STK10: variants seen among roughly 807,000 people sequenced by gnomAD.
STK10 encodes serine/threonine-protein kinase 10.
STK10 carries 78 observed loss-of-function variants against 113.8 expected under a neutral mutation model. The ratio of observed to expected loss-of-function variants is 0.69; its 90% CI spans 0.57 to 0.83. The LOEUF is 0.83. Ranked by LOEUF, STK10 falls within the 40% of genes least tolerant of loss-of-function variation. The pLI, the probability that STK10 is intolerant of heterozygous loss-of-function variation, is 0.00. For synonymous variants in STK10, 465 were observed against 494.7 expected (o/e 0.94, Z 0.80); for missense variants, 1,109 against 1,280.1 (o/e 0.87, Z 2.04).
chr5:172,119,287 G>T (rs1769452729), intron 3 of STK10, among the ~76,000 whole-genome samples: 1 of 152,196 alleles, frequency 6.6e-6, no homozygotes, highest in Non-Finnish European at 1.5e-5. Context: ...GTGACTCGAG[G>T]TCAGAGGTCA....
intron 2 of STK10, among the ~76,000 whole-genome samples, chr5:172,132,343 T>A (rs1024607900): frequency 3.9e-5 from 6 of 152,134 alleles, no homozygotes; most frequent in African/African-American, 7.2e-5. Flanking sequence ...TTAATTTTTT[T>A]AATTTTTTTA....
At chr5:172,155,927 G>A (rs1252908112) in intron 2 of STK10, among the ~76,000 whole-genome samples, 4 of 152,194 alleles carry the variant, frequency 2.6e-5, no homozygotes, top group East Asian at 1.9e-4. Context: ...GCCGGGAGGC[G>A]GAGGGTGTAG....
chr5:172,071,276 T>C (rs374043738), intron 12 of STK10, among the ~76,000 whole-genome samples: 1 of 22,122 alleles, frequency 4.5e-5, no homozygotes, highest in African/African-American at 1.6e-4. Context: ...CATGTAACAA[T>C]GAAAAGTTTA....
At chr5:172,158,912 G>A (rs1211124678) in intron 1 of STK10, among the ~76,000 whole-genome samples, 1 of 152,166 alleles carries the variant, frequency 6.6e-6, no homozygotes, top group Non-Finnish European at 1.5e-5. Flanking sequence ...ATTGTTTAGT[G>A]GGTAAAGAGT....
At chr5:172,141,781 G>A (rs772702536) in intron 2 of STK10, among the ~76,000 whole-genome samples, 2 of 152,066 alleles carry the variant, frequency 1.3e-5, no homozygotes, top group African/African-American at 4.8e-5. Flanking sequence ...TCTGATGGGG[G>A]ATGTCACAGC....
chr5:172,112,470 G>A (rs1402120130), intron 4 of STK10, among the ~76,000 whole-genome samples: 1 of 148,794 alleles, frequency 6.7e-6, no homozygotes, highest in African/African-American at 2.5e-5. Flanking sequence ...ACCCAGGCTG[G>A]AGTGCAGTGG....
chr5:172,118,094 T>C (rs1334518975), intron 3 of STK10, among the ~76,000 whole-genome samples: 1 of 151,410 alleles, frequency 6.6e-6, no homozygotes, highest in African/African-American at 2.4e-5. Flanking sequence ...TCATGTGCAC[T>C]GACCCATTTT....
At chr5:172,064,458 G>A in intron 13 of STK10, 1 of 552,466 alleles carries the variant, frequency 1.8e-6, no homozygotes, top group African/African-American at 1.9e-5. Flanking sequence ...AAGGTAGGAG[G>A]TGCTAAGGGT....
intron 18 of STK10, among the ~76,000 whole-genome samples, chr5:172,048,499 T>TA (rs1207206704): frequency 6.8e-6 from 1 of 147,456 alleles, no homozygotes; most frequent in Non-Finnish European, 1.5e-5. Context: ...TCCAGACTAA[T>TA]ACGGCCCAGA....
Position 172,117,607 on chromosome 5 carries a change from G to C in STK10, c.394C>G (p.Pro132Ala), listed in dbSNP as rs748117917. ...MLELDRGLTE[P>A]QIQVVCRQML... is the part of the protein sequence containing the mutation. ...TGGCGGCAAACCACCTGTATCTGGG[G>C]CTCCGTGAGGCCTCTGTCCAGCTCT... Residue 132 changes from proline to alanine, a missense_variant, in exon 4 of 19, where the codon CCC (proline) becomes GCC (alanine). Pro to Ala is a conservative substitution (Grantham distance 27). Transcript: ENST00000176763. The C allele has an allele frequency of 1.6e-5, 26 of 1,613,962 alleles. No homozygotes were observed. The South Asian group carries it at 2.2e-4, about 14-fold the overall frequency.
rs34366400 is a variant in STK10 at position 172,112,587 on chromosome 5, A to ATT, written c.521-4737_521-4736dup. 2.9e-3 allele frequency among the ~76,000 whole-genome samples: 393 copies of ATT among 137,046 alleles called. 2 individuals carry two copies. Among genetic ancestry groups the ATT allele is most frequent in the African/African-American group, 0.01 (373 of 37,184 alleles). The allele number at this position is 137,046 out of a possible 152,430, so 89.9% of individuals were successfully genotyped here. A position where few individuals can be genotyped will look rare whatever the true frequency, so the allele number is the denominator to read the frequency against. On this transcript the variant is annotated intron_variant, in intron 4 of 18. Coordinates refer to ENST00000176763, the MANE Select transcript of STK10 (RefSeq NM_005990.4). ...AGGCACCTGCCACCATGCCCGGCTAATTTTTTTTTTTTTAGTAGAGACGGG... is the reference window on the plus strand; with the variant it reads ...AGGCACCTGCCACCATGCCCGGCTAATTTTTTTTTTTTTTTAGTAGAGACGGG...
chr5:172,079,573 AT>A (rs770837338), intron 12 of STK10, among the ~76,000 whole-genome samples: 59 of 107,750 alleles, frequency 5.5e-4, no homozygotes, highest in African/African-American at 9.6e-4. Context: ...TTATTTATTT[AT>A]TTTTGAGATG....
chr5:172,167,158 CAA>C (rs1472268822), intron 1 of STK10, among the ~76,000 whole-genome samples: 6 of 96,510 alleles, frequency 6.2e-5, no homozygotes, highest in Admixed American at 2.3e-4. Context: ...GAATCTGTCT[CAA>C]AAAAAAAAAA....
chr5:172,174,394 A>G (rs971432663), intron 1 of STK10, among the ~76,000 whole-genome samples: 3 of 151,596 alleles, frequency 2.0e-5, no homozygotes, highest in Admixed American at 6.6e-5. Flanking sequence ...CTGGTCTCGA[A>G]CTCTTGACCT....
At chr5:172,071,082 C>T (rs541536472) in intron 12 of STK10, among the ~76,000 whole-genome samples, 1 of 151,378 alleles carries the variant, frequency 6.6e-6, no homozygotes, top group Non-Finnish European at 1.5e-5. Context: ...TGGTGGCACG[C>T]ACCTGTAATC....
At chr5:172,065,290 C>T (rs960673311) in intron 12 of STK10, among the ~76,000 whole-genome samples, 3 of 142,310 alleles carry the variant, frequency 2.1e-5, no homozygotes, top group Non-Finnish European at 4.5e-5. Context: ...GCTGAAAATG[C>T]ACTTTTTTTT....
chr5:172,101,447 GC>G (rs576250062), intron 7 of STK10, among the ~76,000 whole-genome samples: 32 of 148,258 alleles, frequency 2.2e-4, no homozygotes, highest in African/African-American at 6.6e-4. Flanking sequence ...CTTCAGCCTG[GC>G]AACAGAGCGA....
At chr5:172,062,591 T>C (rs1767959377) in intron 13 of STK10, among the ~76,000 whole-genome samples, 1 of 152,214 alleles carries the variant, frequency 6.6e-6, no homozygotes, top group African/African-American at 2.4e-5. Context: ...TTCTGACACA[T>C]GCAACAACAT....
intron 1 of STK10, among the ~76,000 whole-genome samples, chr5:172,178,439 G>C (rs973574424): frequency 1.3e-5 from 2 of 152,120 alleles, no homozygotes; most frequent in African/African-American, 4.8e-5. Flanking sequence ...GCTTGTCCCT[G>C]TACAACTCTC....
Sources: gnomAD v4.1 joint callset for allele counts (sites outside exome capture counted in the v4.1 genomes callset) on GRCh38, gnomAD v4.1.1 for gene constraint, MANE v1.5 for transcripts, NCBI Gene and HGNC (gene_info 2026-07-23, HGNC 2026-07-21) for gene names.